Variants in HSPA12A observed in about 807,000 individuals in gnomAD.
The protein encoded by HSPA12A is heat shock protein family A (Hsp70) member 12A.
Under a neutral mutation model 69.2 loss-of-function variants are expected in HSPA12A, and 28 were observed. The ratio of observed to expected loss-of-function variants is 0.40; its 90% CI spans 0.30 to 0.55. The LOEUF (loss-of-function observed/expected upper bound fraction) is 0.55, where lower values mean the gene tolerates loss of function less well. Ranked by LOEUF, HSPA12A falls within the 20% of genes least tolerant of loss-of-function variation. HSPA12A has a pLI of 0.38. For missense variants in HSPA12A, 686 were observed against 900.7 expected (o/e 0.76, Z 3.05); for synonymous variants, 345 against 370.5 (o/e 0.93, Z 0.79).
chr10:116,826,556 T>C (rs1426272475), intron 2 of HSPA12A, among the ~76,000 whole-genome samples: 3 of 152,160 alleles, frequency 2.0e-5, no homozygotes, highest in Non-Finnish European at 4.4e-5. Flanking sequence ...GTCACAGAAG[T>C]ACCAAAGGGA....
chr10:116,787,640 G>A (rs1009391692), intron 2 of HSPA12A, among the ~76,000 whole-genome samples: 1 of 152,124 alleles, frequency 6.6e-6, no homozygotes, highest in Non-Finnish European at 1.5e-5. Context: ...TGGCCTTTGG[G>A]GAAGAAGTGG....
rs377184451 is a variant in HSPA12A, at chr10:116,710,189, G to A, written c.41-2904C>T. On this transcript the variant is annotated intron_variant, in intron 1 of 11. Coordinates refer to ENST00000369209, the MANE Select transcript of HSPA12A (RefSeq NM_025015.3). This position sits in a 1 kb window ranked among gnomAD's most constrained non-coding sequence, Gnocchi z 4.1. ...TGCCCACAGCCCTTGGGCAGCCTGC[G>A]GAGAAATGCCATCAGCACCAGAAGC... Among the ~76,000 whole-genome samples the A allele has an allele frequency of 1.4e-4, 21 of 152,280 alleles. No individual in the cohort carries two copies. The highest frequency in any genetic ancestry group is 3.4e-3 in the Middle Eastern group (1 of 294).
chr10:116,849,227 C>G (rs1172976101), intron 1 of HSPA12A, among the ~76,000 whole-genome samples: 2 of 152,190 alleles, frequency 1.3e-5, no homozygotes, highest in African/African-American at 2.4e-5. Flanking sequence ...CTAAGGCTGC[C>G]GCGCTCCGGC....
At chr10:116,727,729 C>T (rs1443017294) in intron 1 of HSPA12A, among the ~76,000 whole-genome samples, 2 of 146,576 alleles carry the variant, frequency 1.4e-5, no homozygotes, top group Non-Finnish European at 3.0e-5. Flanking sequence ...TGATTTTGTC[C>T]AAGGGTAGGC....
chr10:116,850,088 T>G (rs2133236786), upstream of HSPA12A: 2 of 410,282 alleles, frequency 4.9e-6, no homozygotes, highest in Non-Finnish European at 4.6e-6. Context: ...TTTTAACACA[T>G]ACCTTAATGC....
chr10:116,797,238 G>C (rs1346627482), intron 2 of HSPA12A, among the ~76,000 whole-genome samples: 1 of 121,642 alleles, frequency 8.2e-6, no homozygotes, highest in Non-Finnish European at 1.8e-5. Context: ...TAGATCCTAT[G>C]TACTTCATTG....
intron 6 of HSPA12A, among the ~76,000 whole-genome samples, chr10:116,687,972 A>T (rs1849624053): frequency 6.6e-6 from 1 of 152,198 alleles, no homozygotes; most frequent in African/African-American, 2.4e-5. Context: ...ACTTTCTTAA[A>T]ACATGATGAG....
At chr10:116,808,875 T>C (rs1036596118) in intron 2 of HSPA12A, among the ~76,000 whole-genome samples, 3 of 152,120 alleles carry the variant, frequency 2.0e-5, no homozygotes, top group Non-Finnish European at 2.9e-5. Context: ...TTTCCTACAG[T>C]AGGCTACCGT....
At chr10:116,688,395 C>A (rs567935856) in intron 6 of HSPA12A, among the ~76,000 whole-genome samples, 1 of 152,248 alleles carries the variant, frequency 6.6e-6, no homozygotes, top group Admixed American at 6.5e-5. Context: ...GGAGCGACAT[C>A]GTAGTAGCTT....
chr10:116,713,828 C>A (rs1554883454), intron 1 of HSPA12A, among the ~76,000 whole-genome samples: 3 of 152,152 alleles, frequency 2.0e-5, no homozygotes. Context: ...CCCTTCCCTC[C>A]AGCATCCAGC....
intron 1 of HSPA12A, among the ~76,000 whole-genome samples, chr10:116,726,562 G>C (rs1313784895): frequency 6.6e-6 from 1 of 151,882 alleles, no homozygotes; most frequent in African/African-American, 2.4e-5. Flanking sequence ...TGGTGTCCTT[G>C]GGTAGACCAT....
intron 2 of HSPA12A, among the ~76,000 whole-genome samples, chr10:116,761,057 A>G (rs1843959867): frequency 6.6e-6 from 1 of 152,192 alleles, no homozygotes; most frequent in Non-Finnish European, 1.5e-5. Context: ...TTTTAAAAAC[A>G]TCCTTGATCT....
intron 2 of HSPA12A, among the ~76,000 whole-genome samples, chr10:116,769,087 C>T (rs974122738): frequency 6.6e-6 from 1 of 152,188 alleles, no homozygotes; most frequent in Non-Finnish European, 1.5e-5. Flanking sequence ...ACACAAACAT[C>T]GGACCATTCA....
rs200907680 is a variant in HSPA12A at position 116,738,377 on chromosome 10, T to TA, written c.40+4052dup. Among the ~76,000 whole-genome samples, 239 of 150,680 alleles carry TA rather than the reference T, an allele frequency of 1.6e-3. 1 individual carries two copies. Among genetic ancestry groups the TA allele is most frequent in the African/African-American group, 4.0e-3 (163 of 41,042 alleles). On this transcript the variant is annotated intron_variant, in intron 1 of 11. Transcript: ENST00000369209. The stretch of plus-strand genomic sequence containing the variant: ...ATTGAACACCTACTAGTGTCCTTAG[T>TA]AAAAAAAAATGGAAATGAAAGACAT...
At chr10:116,696,295 T>C (rs1849901349) in intron 5 of HSPA12A, among the ~76,000 whole-genome samples, 1 of 152,154 alleles carries the variant, frequency 6.6e-6, no homozygotes, top group South Asian at 2.1e-4. Context: ...CCCACCCAAA[T>C]CTCACCTTGA....
chr10:116,847,815 T>C (rs185967443), intron 1 of HSPA12A, among the ~76,000 whole-genome samples: 6 of 152,162 alleles, frequency 3.9e-5, no homozygotes, highest in Admixed American at 3.3e-4. Flanking sequence ...TCTTAAGACA[T>C]GGTGGTCCCA....
At chr10:116,846,331 C>CTTT (rs398054763) in intron 1 of HSPA12A, among the ~76,000 whole-genome samples, 135 of 140,574 alleles carry the variant, frequency 9.6e-4, no homozygotes, top group African/African-American at 3.2e-3. Flanking sequence ...TTTTTCTTTT[C>CTTT]TTTTTTTTTT....
chr10:116,819,126 G>A (rs1005548100), intron 2 of HSPA12A, among the ~76,000 whole-genome samples: 53 of 152,186 alleles, frequency 3.5e-4, no homozygotes, highest in African/African-American at 9.4e-4. Context: ...CCTGTGTCCC[G>A]TGACACCCTG....
intron 1 of HSPA12A, among the ~76,000 whole-genome samples, chr10:116,738,045 C>T (rs191272031): frequency 1.2e-3 from 176 of 152,338 alleles, no homozygotes; most frequent in Non-Finnish European, 2.1e-3. Flanking sequence ...GATTCCTCCC[C>T]GCTGTTCTAA....
Sources: allele counts gnomAD v4.1 joint callset (sites outside exome capture counted in the v4.1 genomes callset), GRCh38; gene constraint gnomAD v4.1.1; non-coding constraint Gnocchi (gnomAD v3.1); transcripts MANE v1.5; gene names NCBI Gene and HGNC (gene_info 2026-07-23, HGNC 2026-07-21).